Variants in TMEM161B observed in about 807,000 individuals in gnomAD.
The protein encoded by TMEM161B is transmembrane protein 161B.
TMEM161B carries 34 observed loss-of-function variants against 61.8 expected under a neutral mutation model. That is an observed-to-expected ratio of 0.55 (90% CI 0.42 to 0.73). TMEM161B has a LOEUF of 0.73. Among genes scored for constraint, TMEM161B ranks in the 30% least tolerant of loss-of-function variants. The probability of loss-of-function intolerance (pLI) is 0.00; values close to 1 mark genes in which losing one functional copy is unlikely to be tolerated. For synonymous variants in TMEM161B, 167 were observed against 192.8 expected (o/e 0.87, Z 1.11); for missense variants, 456 against 558.5 (o/e 0.82, Z 1.85).
At chr5:88,206,948 C>T in intron 6 of TMEM161B, 81 bp downstream of exon 6, 1 of 1,186,780 alleles carries the variant, frequency 8.4e-7, no homozygotes, top group Non-Finnish European at 1.2e-6. Context: ...ATTTATCAGA[C>T]ATAAAACTTA....
chr5:88,197,904 T>C, intron 10 of TMEM161B, 139 bp from the exon 11 acceptor site: 1 of 614,036 alleles, frequency 1.6e-6, no homozygotes, highest in Admixed American at 3.6e-5. Flanking sequence ...TAAGTTGTGC[T>C]GCATGATACA....
intron 5 of TMEM161B, among the ~76,000 whole-genome samples, chr5:88,215,028 GT>G (rs1408908166): frequency 2.5e-4 from 38 of 152,332 alleles, no homozygotes; most frequent in Non-Finnish European, 8.8e-5. Flanking sequence ...TCTTATGTAT[GT>G]CACATATCAG....
chr5:88,258,579 C>T (rs950652010), intron 1 of TMEM161B, among the ~76,000 whole-genome samples: 6 of 152,086 alleles, frequency 3.9e-5, no homozygotes, highest in African/African-American at 1.4e-4. Flanking sequence ...TACTTAAATA[C>T]ATATCCCCAT....
intron 2 of TMEM161B, among the ~76,000 whole-genome samples, 200 bp from the exon 3 acceptor site, chr5:88,228,728 C>A (rs967831634): frequency 6.6e-6 from 1 of 152,134 alleles, no homozygotes; most frequent in East Asian, 1.9e-4. Flanking sequence ...TAACCAACCA[C>A]TTACTAGATG....
At chr5:88,197,164 T>C (rs1030139513) in intron 11 of TMEM161B, among the ~76,000 whole-genome samples, 3 of 152,114 alleles carry the variant, frequency 2.0e-5, no homozygotes, top group African/African-American at 7.2e-5. Context: ...AATGCAATAA[T>C]AGACACCTCT....
At chr5:88,238,956 A>C (rs1487149067) in intron 2 of TMEM161B, among the ~76,000 whole-genome samples, 1 of 152,104 alleles carries the variant, frequency 6.6e-6, no homozygotes, top group East Asian at 1.9e-4. Flanking sequence ...TATCCTTAGA[A>C]CCTGATATGG....
At chr5:88,203,763 AT>A (rs1561312269) in intron 8 of TMEM161B, among the ~76,000 whole-genome samples, 2 of 2,116 alleles carry the variant, frequency 9.5e-4, no homozygotes, top group South Asian at 9.8e-3. Context: ...ATATATATAT[AT>A]ATATATATAT....
intron 7 of TMEM161B, 76 bp downstream of exon 7, chr5:88,206,363 T>C: frequency 8.4e-7 from 1 of 1,194,424 alleles, no homozygotes; most frequent in Middle Eastern, 2.7e-4. Context: ...TTAAAACAGC[T>C]ATTTATAGTA....
At chr5:88,246,989 G>A (rs1194621621) in intron 1 of TMEM161B, among the ~76,000 whole-genome samples, 1 of 151,898 alleles carries the variant, frequency 6.6e-6, no homozygotes, top group African/African-American at 2.4e-5. Context: ...CTTGATAACT[G>A]GAACTGGGGA....
At chr5:88,189,181 C>T (rs1290150181), downstream of TMEM161B, among the ~76,000 whole-genome samples, 1 of 152,178 alleles carries the variant, frequency 6.6e-6, no homozygotes, top group Non-Finnish European at 1.5e-5. Context: ...TGGCATTATA[C>T]ACACAAGTCC....
rs556356354 is a variant in TMEM161B at position 88,259,944 on chromosome 5, C to T, written c.3+8777G>A. ...CACAACAGCACAAGGGACAAGAAGC[C>T]TGGGTTAAAAGTCAAATTCTGTCAT... On this transcript the variant is annotated intron_variant, in intron 1 of 11. Transcript: ENST00000296595. Among the ~76,000 whole-genome samples, 15 of 152,166 alleles carry T rather than the reference C, an allele frequency of 9.9e-5. No individual in the cohort carries two copies. The South Asian group carries it at 3.1e-3, about 32-fold the overall frequency.
intron 1 of TMEM161B, among the ~76,000 whole-genome samples, chr5:88,242,092 TGTAA>T (rs1752841469): frequency 6.6e-6 from 1 of 151,818 alleles, no homozygotes; most frequent in Non-Finnish European, 1.5e-5. Flanking sequence ...GTGTAATACC[TGTAA>T]GTCTCTTTCA....
In TMEM161B at chr5:88,208,131, C is replaced by A; in HGVS notation, c.447-951G>T. Among the ~76,000 whole-genome samples the A allele has an allele frequency of 1.3e-5, 2 of 152,172 alleles. 1 individual carries two copies. The highest frequency in any genetic ancestry group is 2.9e-5 in the Non-Finnish European group (2 of 68,030). On this transcript the variant is annotated intron_variant, in intron 5 of 11. Transcript: ENST00000296595. ...TTGGGAGGTCTAAGCCGGCGGATCA[C>A]CTGAAGTCAGGAGTATGAGACCAGC... is the stretch of plus-strand genomic sequence containing the variant.
Position 88,268,783 on chromosome 5 carries a change from C to G in TMEM161B, c.-60G>C. ...GAGTTGCCGGGGCAGTCCCAAACCT[C>G]TTACCTCCCGGTCCTTGAGCCGAGA... On this transcript the variant is annotated 5_prime_UTR_variant, in exon 1 of 12. Transcript: ENST00000296595. 4 of 1,613,310 alleles carry G rather than the reference C, an allele frequency of 2.5e-6. No homozygotes were observed. The highest frequency in any genetic ancestry group is 1.1e-5 in the South Asian group (1 of 90,996).
chr5:88,197,643 C>A (rs377378121), intron 11 of TMEM161B, 26 bp downstream of exon 11: 2 of 1,574,616 alleles, frequency 1.3e-6, no homozygotes, highest in Admixed American at 1.8e-5. Flanking sequence ...GTAAAAGATG[C>A]TTCCTAGTTG....
At chr5:88,212,352 ATAGGAAAG>A (rs1316232105) in intron 5 of TMEM161B, among the ~76,000 whole-genome samples, 1 of 152,232 alleles carries the variant, frequency 6.6e-6, no homozygotes, top group African/African-American at 2.4e-5. Flanking sequence ...CTAAATTCTA[ATAGGAAAG>A]AAAAGTCAAG....
chr5:88,230,494 G>T (rs1438681453), intron 2 of TMEM161B, among the ~76,000 whole-genome samples: 1 of 152,068 alleles, frequency 6.6e-6, no homozygotes, highest in Non-Finnish European at 1.5e-5. Context: ...GTGTATGGGG[G>T]TCATGCATTA....
intron 1 of TMEM161B, among the ~76,000 whole-genome samples, chr5:88,267,343 G>C (rs1441215747): frequency 7.3e-5 from 11 of 151,376 alleles, no homozygotes; most frequent in Non-Finnish European, 1.3e-4. Context: ...TATTCACTGA[G>C]GCTTAAAAAA....
intron 5 of TMEM161B, among the ~76,000 whole-genome samples, chr5:88,219,693 C>T (rs1369236726): frequency 6.6e-6 from 1 of 152,004 alleles, no homozygotes; most frequent in Non-Finnish European, 1.5e-5. Context: ...TGAAGAAAAC[C>T]TATTTCTTTC....
Sources: gnomAD v4.1 joint callset for allele counts (sites outside exome capture counted in the v4.1 genomes callset) on GRCh38, gnomAD v4.1.1 for gene constraint, MANE v1.5 for transcripts, NCBI Gene and HGNC (gene_info 2026-07-23, HGNC 2026-07-21) for gene names.